Variants in SCHIP1 observed in about 807,000 individuals in gnomAD.
The protein encoded by SCHIP1 is schwannomin interacting protein 1.
In SCHIP1, 8 loss-of-function variants were observed where a neutral mutation model predicts 29.7. The ratio of observed to expected loss-of-function variants is 0.27; its 90% confidence interval spans 0.16 to 0.49. The LOEUF (loss-of-function observed/expected upper bound fraction) is 0.49. SCHIP1 is among the 20% of genes least tolerant of loss of function. SCHIP1 has a pLI of 0.99. For synonymous variants in SCHIP1, 76 were observed against 94.9 expected (o/e 0.80, Z 1.16); for missense variants, 193 against 294.6 (o/e 0.66, Z 2.52).
At chr3:159,327,385 A>G in the SCHIP1 span, among the ~76,000 whole-genome samples, 1 of 152,336 alleles carries the variant, frequency 6.6e-6, no homozygotes, top group East Asian at 1.9e-4. Flanking sequence ...TTCTTGGCTC[A>G]GGTTCTCCCC....
At chr3:159,812,966 G>C in the SCHIP1 span, among the ~76,000 whole-genome samples, 1 of 152,216 alleles carries the variant, frequency 6.6e-6, no homozygotes, top group African/African-American at 2.4e-5. Context: ...GAAAGCAGGA[G>C]TGTGCAGAAA....
Position 159,855,076 on chromosome 3 carries a change from CA to C in SCHIP1, c.31-11080del, listed in dbSNP as rs1289364928. On this transcript the variant is annotated intron_variant, in intron 1 of 6. Coordinates refer to ENST00000445224, the Ensembl canonical transcript of SCHIP1. The stretch of plus-strand genomic sequence containing the variant: ...GATTTCAGTATCTGATAGGTTAGTA[CA>C]AAAAAACTGCAAGATGAAACTTCTA... Among the ~76,000 whole-genome samples, 4 of 152,086 alleles carry C rather than the reference CA, an allele frequency of 2.6e-5. No homozygotes were observed. In the East Asian group the frequency reaches 7.7e-4, roughly 29 times the overall value.
the SCHIP1 span, among the ~76,000 whole-genome samples, chr3:159,648,832 A>G: frequency 6.6e-6 from 1 of 152,110 alleles, no homozygotes; most frequent in Admixed American, 6.5e-5. Context: ...TCCAAGTAAC[A>G]CTGTTCACGG....
chr3:159,665,487 G>T, the SCHIP1 span, among the ~76,000 whole-genome samples: 1 of 152,034 alleles, frequency 6.6e-6, no homozygotes, highest in South Asian at 2.1e-4. Flanking sequence ...CATTTCACAC[G>T]GGTCAAACAC....
chr3:159,485,188 C>T, the SCHIP1 span, among the ~76,000 whole-genome samples: 1 of 152,128 alleles, frequency 6.6e-6, no homozygotes, highest in African/African-American at 2.4e-5. Context: ...CTCAGAATAG[C>T]TTTACTATGT....
chr3:159,277,546 A>G, the SCHIP1 span, among the ~76,000 whole-genome samples: 6 of 151,614 alleles, frequency 4.0e-5, no homozygotes, highest in African/African-American at 1.4e-4. Context: ...ACCCCTGGGC[A>G]AGGGAATTTC....
At chr3:159,680,677 T>TA in the SCHIP1 span, among the ~76,000 whole-genome samples, 1 of 83,474 alleles carries the variant, frequency 1.2e-5, no homozygotes, top group African/African-American at 5.5e-5. Context: ...ATATTATATA[T>TA]ATAATATATG....
At chr3:159,620,908 A>G in the SCHIP1 span, among the ~76,000 whole-genome samples, 2 of 152,188 alleles carry the variant, frequency 1.3e-5, no homozygotes, top group Non-Finnish European at 2.9e-5. Context: ...TAAACTACCT[A>G]ATCATGGAAT....
the SCHIP1 span, among the ~76,000 whole-genome samples, chr3:159,500,868 GTTATAC>G: frequency 6.6e-6 from 1 of 151,938 alleles, no homozygotes; most frequent in Non-Finnish European, 1.5e-5. Context: ...ATAATTCTAT[GTTATAC>G]TTATATATTG....
the SCHIP1 span, among the ~76,000 whole-genome samples, chr3:159,386,081 T>C: frequency 6.6e-6 from 1 of 152,188 alleles, no homozygotes; most frequent in African/African-American, 2.4e-5. Context: ...ACATTTTCTT[T>C]ATCTAGTCTA....
At chr3:159,624,602 C>T in the SCHIP1 span, among the ~76,000 whole-genome samples, 2 of 152,132 alleles carry the variant, frequency 1.3e-5, no homozygotes, top group African/African-American at 2.4e-5. Context: ...TATCGACTCA[C>T]CCACTTAACG....
the SCHIP1 span, among the ~76,000 whole-genome samples, chr3:159,381,255 TAA>T: frequency 2.0e-5 from 3 of 152,182 alleles, no homozygotes; most frequent in African/African-American, 7.2e-5. Flanking sequence ...CTTTTGAACT[TAA>T]AGAGTCCTGA....
chr3:159,382,172 C>T, the SCHIP1 span, among the ~76,000 whole-genome samples: 2,392 of 151,216 alleles, frequency 0.016, 54 homozygotes, highest in African/African-American at 0.055. Flanking sequence ...GTTAATTACA[C>T]ATGTATACAT....
chr3:159,311,311 T>A, the SCHIP1 span, among the ~76,000 whole-genome samples: 1 of 152,120 alleles, frequency 6.6e-6, no homozygotes, highest in Non-Finnish European at 1.5e-5. Flanking sequence ...ACCCCCAGTT[T>A]GCCAGTGAAG....
At chr3:159,430,128 A>AAGTGATGT in the SCHIP1 span, among the ~76,000 whole-genome samples, 1 of 152,132 alleles carries the variant, frequency 6.6e-6, no homozygotes, top group Non-Finnish European at 1.5e-5. Flanking sequence ...TATAGAGAAA[A>AAGTGATGT]AGTGATGTCT....
chr3:159,500,425 G>A, the SCHIP1 span, among the ~76,000 whole-genome samples: 2 of 152,082 alleles, frequency 1.3e-5, no homozygotes, highest in Admixed American at 6.6e-5. Flanking sequence ...AAAGAAAAAA[G>A]AGACCAGGCT....
the SCHIP1 span, among the ~76,000 whole-genome samples, chr3:159,334,874 G>A: frequency 2.7e-5 from 4 of 150,172 alleles, no homozygotes; most frequent in African/African-American, 9.8e-5. Flanking sequence ...GTAGACATAA[G>A]TTTTCTTTTT....
the SCHIP1 span, among the ~76,000 whole-genome samples, chr3:159,543,206 T>TTG: frequency 2.6e-5 from 4 of 151,398 alleles, no homozygotes; most frequent in East Asian, 7.8e-4. Flanking sequence ...TTGTTTTGTT[T>TTG]TTTTATTTTA....
the SCHIP1 span, among the ~76,000 whole-genome samples, chr3:159,747,574 G>C: frequency 3.9e-5 from 6 of 152,046 alleles, no homozygotes; most frequent in Non-Finnish European, 5.9e-5. Flanking sequence ...CATAAAGCAG[G>C]GACGACGTGC....
Sources: allele counts gnomAD v4.1 joint callset (sites outside exome capture counted in the v4.1 genomes callset), GRCh38; gene constraint gnomAD v4.1.1; transcripts MANE v1.5; gene names NCBI Gene and HGNC (gene_info 2026-07-23, HGNC 2026-07-21).